PPP1R9A: variants seen among roughly 807,000 people sequenced by gnomAD.
PPP1R9A encodes protein phosphatase 1 regulatory subunit 9A.
PPP1R9A carries 59 observed loss-of-function variants against 141.9 expected under a neutral mutation model. The ratio of observed to expected loss-of-function variants is 0.42; its 90% confidence interval spans 0.34 to 0.52. PPP1R9A has a LOEUF of 0.52. Ranked by LOEUF, PPP1R9A falls within the 20% of genes least tolerant of loss-of-function variation. The pLI, the probability that PPP1R9A is intolerant of heterozygous loss-of-function variation, is 0.10. For missense variants in PPP1R9A, 1,444 were observed against 1,611.9 expected (o/e 0.90, Z 1.78); for synonymous variants, 500 against 569.7 (o/e 0.88, Z 1.74).
intron 7 of PPP1R9A, among the ~76,000 whole-genome samples, chr7:95,221,816 A>C (rs73221987): frequency 0.019 from 2,918 of 152,174 alleles, 36 homozygotes; most frequent in Middle Eastern, 0.034. Context: ...CAGTAATTTC[A>C]TACACTATAT....
chr7:95,180,862 TAAAA>T (rs1833640796), intron 5 of PPP1R9A, among the ~76,000 whole-genome samples: 2 of 151,636 alleles, frequency 1.3e-5, no homozygotes, highest in Admixed American at 6.6e-5. Context: ...AATCAAAAAA[TAAAA>T]AAACTGATGT....
intron 2 of PPP1R9A, among the ~76,000 whole-genome samples, chr7:94,976,818 T>C (rs1799503131): frequency 6.6e-6 from 1 of 152,174 alleles, no homozygotes; most frequent in Non-Finnish European, 1.5e-5. Context: ...ATTTATTGAG[T>C]ATCTGCTTGG....
intron 2 of PPP1R9A, among the ~76,000 whole-genome samples, chr7:95,081,485 A>G (rs1563209974): frequency 6.6e-6 from 1 of 152,196 alleles, no homozygotes; most frequent in Non-Finnish European, 1.5e-5. Flanking sequence ...GAAAAATGAG[A>G]TGAAAAATGT....
chr7:95,053,587 A>G (rs767212534), intron 2 of PPP1R9A, among the ~76,000 whole-genome samples: 21 of 152,222 alleles, frequency 1.4e-4, no homozygotes, highest in African/African-American at 4.8e-4. Flanking sequence ...CTTTTGAACT[A>G]TGATGGGAGA....
chr7:94,985,565 T>C (rs967392739), intron 2 of PPP1R9A, among the ~76,000 whole-genome samples: 2 of 152,206 alleles, frequency 1.3e-5, no homozygotes, highest in Non-Finnish European at 2.9e-5. Context: ...TTGATCCCTT[T>C]ACCATTATGT....
intron 12 of PPP1R9A, 73 bp downstream of exon 12, chr7:95,252,203 C>A: frequency 1.4e-6 from 2 of 1,417,414 alleles, no homozygotes; most frequent in Non-Finnish European, 9.3e-7. Flanking sequence ...CTTTTTCTGA[C>A]CCAGAGATTT....
intron 2 of PPP1R9A, among the ~76,000 whole-genome samples, chr7:95,064,266 T>C (rs1812649641): frequency 6.6e-6 from 1 of 152,210 alleles, no homozygotes; most frequent in Admixed American, 6.5e-5. Context: ...CACTTTAATG[T>C]ACATTTTTGA....
intron 2 of PPP1R9A, among the ~76,000 whole-genome samples, chr7:94,930,045 A>G (rs910625296): frequency 1.2e-4 from 18 of 152,224 alleles, no homozygotes; most frequent in Non-Finnish European, 2.9e-5. Context: ...AACTAGACAT[A>G]AACAGGGAAT....
chr7:95,049,756 A>G (rs1035630719), intron 2 of PPP1R9A, among the ~76,000 whole-genome samples: 1 of 152,266 alleles, frequency 6.6e-6, no homozygotes, highest in Non-Finnish European at 1.5e-5. Flanking sequence ...AGAATGTACT[A>G]TAGTTGGAAT....
intron 2 of PPP1R9A, among the ~76,000 whole-genome samples, chr7:94,928,444 A>AT (rs1360918914): frequency 1.3e-5 from 2 of 152,086 alleles, no homozygotes; most frequent in Non-Finnish European, 2.9e-5. Context: ...TTGGTCCCCC[A>AT]TTTTTTCTCT....
chr7:95,157,568 G>T (rs896695962), intron 4 of PPP1R9A, among the ~76,000 whole-genome samples: 1 of 152,182 alleles, frequency 6.6e-6, no homozygotes, highest in African/African-American at 2.4e-5. Context: ...TGTATCCTCG[G>T]CAGCACCTCC....
rs1264271233 is a variant in PPP1R9A at position 95,181,903 on chromosome 7, A to G, written c.1755-16446A>G. ...GGCAACCTCGATGAGATTGGAGACT[A>G]TTATACTAAGTGAAGTAACTCAGAA... On this transcript the variant is annotated intron_variant, in intron 5 of 19. Transcript: ENST00000433360. Among the ~76,000 whole-genome samples the G allele has an allele frequency of 4.0e-5, 6 of 151,238 alleles. No homozygotes were observed. The Admixed American group carries it at 4.0e-4, about 10-fold the overall frequency.
chr7:94,950,114 C>G (rs1423936362), intron 2 of PPP1R9A, among the ~76,000 whole-genome samples: 2 of 152,042 alleles, frequency 1.3e-5, no homozygotes, highest in Non-Finnish European at 2.9e-5. Context: ...ACTGTCTCTA[C>G]TGTTTTGCCT....
chr7:95,166,477 C>T (rs1029953294), intron 5 of PPP1R9A, among the ~76,000 whole-genome samples: 5 of 152,152 alleles, frequency 3.3e-5, no homozygotes, highest in Non-Finnish European at 7.4e-5. Flanking sequence ...AAATAGAAAA[C>T]TGGAACAGAC....
intron 2 of PPP1R9A, among the ~76,000 whole-genome samples, chr7:95,040,602 T>C (rs1380831954): frequency 6.6e-6 from 1 of 152,184 alleles, no homozygotes; most frequent in Non-Finnish European, 1.5e-5. Context: ...TTGAAATTTG[T>C]ATCTTCTCCC....
chr7:95,283,993 C>T (rs1804785412), intron 16 of PPP1R9A, 25 bp from the exon 17 acceptor site: 1 of 1,534,754 alleles, frequency 6.5e-7, no homozygotes, highest in Non-Finnish European at 8.8e-7. Context: ...CTTTATCTAA[C>T]ACACCCATTC....
At chr7:95,135,611 T>G (rs922458475) in intron 4 of PPP1R9A, among the ~76,000 whole-genome samples, 1 of 151,886 alleles carries the variant, frequency 6.6e-6, no homozygotes, top group African/African-American at 2.4e-5. Context: ...TTGCTTTTAT[T>G]TTTTTCTTCC....
At chr7:95,195,268 CA>C (rs1194532279) in intron 5 of PPP1R9A, among the ~76,000 whole-genome samples, 1 of 149,986 alleles carries the variant, frequency 6.7e-6, no homozygotes, top group Non-Finnish European at 1.5e-5. Context: ...AGATAGGAAG[CA>C]AAAGCCATCA....
intron 7 of PPP1R9A, among the ~76,000 whole-genome samples, chr7:95,225,592 C>T (rs1795028008): frequency 6.6e-6 from 1 of 152,116 alleles, no homozygotes; most frequent in African/African-American, 2.4e-5. Flanking sequence ...TTTCATTGCT[C>T]TCAGTATTGG....
Sources: allele counts gnomAD v4.1 joint callset (sites outside exome capture counted in the v4.1 genomes callset), GRCh38; gene constraint gnomAD v4.1.1; transcripts MANE v1.5; gene names NCBI Gene and HGNC (gene_info 2026-07-23, HGNC 2026-07-21).